Variants in SNTG1 observed in about 807,000 individuals in gnomAD.
SNTG1 encodes the protein gamma-1-syntrophin.
In SNTG1, 39 loss-of-function variants were observed where a neutral mutation model predicts 74.7. That is an observed-to-expected ratio of 0.52 (90% confidence interval 0.40 to 0.68). SNTG1 has a LOEUF of 0.68. SNTG1 is among the 30% of genes least tolerant of loss of function. The probability of loss-of-function intolerance (pLI) is 0.00; values close to 1 mark genes in which losing one functional copy is unlikely to be tolerated. For missense variants in SNTG1, 685 were observed against 609.5 expected (o/e 1.12, Z -1.30); for synonymous variants, 254 against 217.1 (o/e 1.17, Z -1.49).
rs1435104926 is a variant in SNTG1, at chr8:49,973,660, AAC to A, written c.-103+61433_-103+61434del. ...ATTTGAAGCAAGGAATAAAAATGAA[AAC>A]ACAGTATATACTGAAGAAAAGAGTA... On this transcript the variant is annotated intron_variant, in intron 1 of 18. Transcript: ENST00000642720. Among the ~76,000 whole-genome samples, 4 of 152,332 alleles carry A rather than the reference AAC, an allele frequency of 2.6e-5. No homozygotes were observed. In the East Asian group the frequency reaches 5.8e-4, roughly 22 times the overall value.
chr8:50,247,495 A>G (rs937763524), intron 2 of SNTG1, among the ~76,000 whole-genome samples: 1 of 152,156 alleles, frequency 6.6e-6, no homozygotes, highest in Non-Finnish European at 1.5e-5. Context: ...GTGCAAAAAA[A>G]TTGAAATCTA....
At chr8:50,051,763 T>A (rs1819595342) in intron 1 of SNTG1, among the ~76,000 whole-genome samples, 1 of 152,038 alleles carries the variant, frequency 6.6e-6, no homozygotes. Flanking sequence ...GAAACACCAG[T>A]CATATTGGAC....
At chr8:50,566,949 A>C (rs993492704) in intron 12 of SNTG1, among the ~76,000 whole-genome samples, 1 of 152,046 alleles carries the variant, frequency 6.6e-6, no homozygotes, top group Admixed American at 6.6e-5. Context: ...AAACATTTGC[A>C]ATTTTTCTTC....
intron 12 of SNTG1, among the ~76,000 whole-genome samples, chr8:50,573,869 CTG>C (rs1308859690): frequency 2.0e-5 from 3 of 151,674 alleles, no homozygotes; most frequent in East Asian, 1.9e-4. Flanking sequence ...TCTTTAATAA[CTG>C]TTTTTAAATG....
At chr8:50,712,288 G>A (rs2095463790) in intron 17 of SNTG1, among the ~76,000 whole-genome samples, 1 of 152,134 alleles carries the variant, frequency 6.6e-6, no homozygotes, top group Admixed American at 6.6e-5. Context: ...GTATCTAAGA[G>A]CCAGATTTGA....
intron 9 of SNTG1, among the ~76,000 whole-genome samples, chr8:50,509,817 C>G (rs2094049179): frequency 6.6e-6 from 1 of 152,206 alleles, no homozygotes; most frequent in East Asian, 1.9e-4. Context: ...AGATTTTGGG[C>G]TGAGATGATG....
At chr8:50,432,898 C>T (rs898137572) in intron 4 of SNTG1, among the ~76,000 whole-genome samples, 2 of 152,076 alleles carry the variant, frequency 1.3e-5, no homozygotes, top group African/African-American at 2.4e-5. Context: ...TCAAACGATT[C>T]TCCTGTCTCA....
intron 15 of SNTG1, among the ~76,000 whole-genome samples, chr8:50,668,984 G>C (rs965169180): frequency 4.6e-5 from 7 of 151,706 alleles, no homozygotes; most frequent in African/African-American, 1.7e-4. Flanking sequence ...ATAATCCTTT[G>C]GGCATATACC....
chr8:50,719,583 T>A (rs1021426339), intron 17 of SNTG1, among the ~76,000 whole-genome samples: 1 of 152,078 alleles, frequency 6.6e-6, no homozygotes, highest in South Asian at 2.1e-4. Context: ...CAAAACAAAG[T>A]TTTTTGCTAT....
intron 15 of SNTG1, among the ~76,000 whole-genome samples, chr8:50,698,968 C>T (rs1266479084): frequency 6.6e-6 from 1 of 152,116 alleles, no homozygotes; most frequent in East Asian, 1.9e-4. Context: ...TTTTTCTGGT[C>T]AGATTTTGGA....
chr8:50,059,028 C>T (rs1348220104), intron 1 of SNTG1, among the ~76,000 whole-genome samples: 1 of 152,060 alleles, frequency 6.6e-6, no homozygotes, highest in Non-Finnish European at 1.5e-5. Context: ...CCTTTTTTCA[C>T]TCAGTAATAT....
At chr8:50,257,132 C>T (rs1247599289) in intron 2 of SNTG1, among the ~76,000 whole-genome samples, 1 of 152,074 alleles carries the variant, frequency 6.6e-6, no homozygotes, top group Non-Finnish European at 1.5e-5. Flanking sequence ...AACCCTTCGG[C>T]TTGTGCAGCA....
rs550576443 is a variant in SNTG1 at position 50,657,151 on chromosome 8, C to A, written c.966+126C>A. On this transcript the variant is annotated intron_variant, in intron 14 of 18. Transcript: ENST00000642720. The stretch of plus-strand genomic sequence containing the variant: ...AATAATATAGAGAAAAAGTAGAAAT[C>A]AGTTTATCTGATTTAACTTACTAAA... The A allele has an allele frequency of 9.8e-5, 46 of 469,526 alleles. 2 individuals carry two copies. The South Asian group carries it at 2.9e-3, about 30-fold the overall frequency. 29.1% of individuals were successfully genotyped at this position (469,526 alleles called of 1,614,324 possible). A position where few individuals can be genotyped will look rare whatever the true frequency, so the allele number is the denominator to read the frequency against.
chr8:50,547,936 G>A (rs915018986), intron 11 of SNTG1, among the ~76,000 whole-genome samples: 1 of 152,154 alleles, frequency 6.6e-6, no homozygotes, highest in Non-Finnish European at 1.5e-5. Flanking sequence ...AGAAATTATG[G>A]AAGAGCTGTT....
chr8:50,207,230 G>A (rs912724918), intron 2 of SNTG1, among the ~76,000 whole-genome samples: 1 of 152,102 alleles, frequency 6.6e-6, no homozygotes, highest in Non-Finnish European at 1.5e-5. Context: ...ATTAATTATT[G>A]CCTCAATTTC....
intron 1 of SNTG1, among the ~76,000 whole-genome samples, chr8:49,940,239 A>G (rs1307698931): frequency 1.3e-5 from 2 of 152,178 alleles, no homozygotes; most frequent in East Asian, 1.9e-4. Flanking sequence ...CACCAAATAC[A>G]TTGAGCAGGG....
At chr8:50,004,488 G>C (rs765563334) in intron 1 of SNTG1, among the ~76,000 whole-genome samples, 5 of 152,082 alleles carry the variant, frequency 3.3e-5, no homozygotes, top group Non-Finnish European at 7.3e-5. Flanking sequence ...TGCACCCAGC[G>C]TTGTGCTTGC....
chr8:50,071,058 A>G (rs1821320503), intron 1 of SNTG1, among the ~76,000 whole-genome samples: 3 of 152,192 alleles, frequency 2.0e-5, no homozygotes, highest in Admixed American at 2.0e-4. Flanking sequence ...TGGACCCATA[A>G]GCAGGTACAA....
rs1234901224 is a variant in SNTG1, at chr8:50,778,224, A to G, written c.1396-14447A>G. On this transcript the variant is annotated intron_variant, in intron 18 of 18. Coordinates refer to ENST00000642720, the MANE Select transcript of SNTG1 (RefSeq NM_018967.5). ...GTCCTTTGGGTATATACCCAGTAAC[A>G]GGATGGCTGGGTCAAATGGTATTTC... Among the ~76,000 whole-genome samples, 12 of 152,232 alleles carry G rather than the reference A, an allele frequency of 7.9e-5. No individual in the cohort carries two copies. In the East Asian group the frequency reaches 1.9e-3, roughly 24 times the overall value.
Sources: allele counts gnomAD v4.1 joint callset (sites outside exome capture counted in the v4.1 genomes callset), GRCh38; gene constraint gnomAD v4.1.1; transcripts MANE v1.5; gene names NCBI Gene and HGNC (gene_info 2026-07-23, HGNC 2026-07-21).